GNA14: variants seen among roughly 807,000 people sequenced by gnomAD.
The protein encoded by GNA14 is guanine nucleotide-binding protein subunit alpha-14.
Under a neutral mutation model 42.0 loss-of-function variants are expected in GNA14, and 50 were observed. The ratio of observed to expected loss-of-function variants is 1.19; its 90% CI spans 0.95 to 1.51. The LOEUF (loss-of-function observed/expected upper bound fraction) is 1.51, where lower values mean the gene tolerates loss of function less well. GNA14 is among the 40% of genes most tolerant of loss of function. The probability of loss-of-function intolerance (pLI) is 0.00; values close to 1 mark genes in which losing one functional copy is unlikely to be tolerated. For missense variants in GNA14, 473 were observed against 446.2 expected (o/e 1.06, Z -0.54); for synonymous variants, 173 against 163.1 (o/e 1.06, Z -0.46).
intron 2 of GNA14, among the ~76,000 whole-genome samples, chr9:77,500,206 CG>C (rs371800141): frequency 8.6e-5 from 13 of 151,880 alleles, no homozygotes; most frequent in Middle Eastern, 6.8e-3. Context: ...TCAGTAGAGA[CG>C]GGGTTTGACC....
intron 2 of GNA14, among the ~76,000 whole-genome samples, chr9:77,457,366 A>G (rs1018010872): frequency 1.3e-5 from 2 of 152,246 alleles, no homozygotes; most frequent in African/African-American, 4.8e-5. Context: ...GAATTTTATT[A>G]GTAGTTCTTT....
intron 2 of GNA14, among the ~76,000 whole-genome samples, chr9:77,449,736 G>C (rs1305597313): frequency 6.6e-6 from 1 of 152,230 alleles, no homozygotes; most frequent in Non-Finnish European, 1.5e-5. Flanking sequence ...CCAATGCAAA[G>C]GGAAGGGAAT....
At chr9:77,451,894 A>G (rs953690322) in intron 2 of GNA14, among the ~76,000 whole-genome samples, 1 of 152,156 alleles carries the variant, frequency 6.6e-6, no homozygotes, top group Non-Finnish European at 1.5e-5. Flanking sequence ...AAAAATCCCA[A>G]CCGAGCAACC....
At chr9:77,452,126 C>T (rs993502599) in intron 2 of GNA14, among the ~76,000 whole-genome samples, 16 of 152,102 alleles carry the variant, frequency 1.1e-4, no homozygotes, top group Admixed American at 7.9e-4. Flanking sequence ...ATCCAGAACC[C>T]CGTAGAAATA....
At chr9:77,618,485 G>A (rs1378803430) in intron 1 of GNA14, among the ~76,000 whole-genome samples, 2 of 149,572 alleles carry the variant, frequency 1.3e-5, no homozygotes, top group Admixed American at 1.3e-4. Flanking sequence ...GTAGTTACGT[G>A]GAGCCATTGT....
At chr9:77,589,888 T>G (rs1241833767) in intron 1 of GNA14, among the ~76,000 whole-genome samples, 1 of 152,150 alleles carries the variant, frequency 6.6e-6, no homozygotes, top group African/African-American at 2.4e-5. Context: ...TCTTCTCCCC[T>G]AAAAGGATAA....
At position 77,642,373 on chromosome 9, in the gene GNA14, C is replaced by A. The variant is rs1824280900; in HGVS notation, c.124+5297G>T. ...GATGAACAGAAGCCACAGACAAAAC[C>A]ACACAATCCTCCTTTCTGAAGCATA... On this transcript the variant is annotated intron_variant, in intron 1 of 6. Coordinates refer to ENST00000341700, the MANE Select transcript of GNA14 (RefSeq NM_004297.4). Among the ~76,000 whole-genome samples, 4 of 152,260 alleles carry A rather than the reference C, an allele frequency of 2.6e-5. No individual in the cohort carries two copies. The South Asian group carries it at 8.3e-4, about 32-fold the overall frequency.
Position 77,436,512 on chromosome 9 carries a change from T to C in GNA14, c.310-1990A>G, listed in dbSNP as rs143079700. 3.0e-3 allele frequency among the ~76,000 whole-genome samples: 451 copies of C among 152,318 alleles called. 3 individuals are homozygous for C. Among genetic ancestry groups the C allele is most frequent in the African/African-American group, 1.0e-2 (415 of 41,568 alleles). ...CTGACTTCTAATCCCACCACTGGCA[T>C]GCTGCATGTCACGGACCCTATTCTT... On this transcript the variant is annotated intron_variant, in intron 2 of 6. Coordinates refer to ENST00000341700, the MANE Select transcript of GNA14 (RefSeq NM_004297.4).
intron 1 of GNA14, among the ~76,000 whole-genome samples, chr9:77,625,307 A>C (rs1247129943): frequency 5.9e-5 from 9 of 152,194 alleles, no homozygotes; most frequent in Non-Finnish European, 1.2e-4. Context: ...GAATGGAACC[A>C]AATTGGAAAA....
chr9:77,430,046 A>G (rs1465251928), intron 4 of GNA14, among the ~76,000 whole-genome samples: 3 of 152,158 alleles, frequency 2.0e-5, no homozygotes, highest in Admixed American at 6.6e-5. Context: ...GAAAAATTCA[A>G]TACTGTTCTT....
intron 2 of GNA14, among the ~76,000 whole-genome samples, chr9:77,493,014 A>AG (rs1452855966): frequency 2.1e-5 from 2 of 93,988 alleles, no homozygotes; most frequent in Non-Finnish European, 4.4e-5. Context: ...AAAAAAAAAA[A>AG]AAAAAAAAAA....
chr9:77,544,539 C>T (rs994112653), intron 1 of GNA14, among the ~76,000 whole-genome samples: 5 of 151,880 alleles, frequency 3.3e-5, no homozygotes, highest in African/African-American at 1.2e-4. Context: ...CCTGTATCTA[C>T]TAAAAATACA....
rs371743692 is a variant in GNA14, at chr9:77,435,344, G to A, written c.310-822C>T. On this transcript the variant is annotated intron_variant, in intron 2 of 6. Coordinates refer to ENST00000341700, the MANE Select transcript of GNA14 (RefSeq NM_004297.4). ...GGCACTCCAGCCTGGGTGACAGAGCGAGACTCTGTCTCCAAAAAAAAAAAT... is the reference window on the plus strand; with the variant it reads ...GGCACTCCAGCCTGGGTGACAGAGCAAGACTCTGTCTCCAAAAAAAAAAAT... Among the ~76,000 whole-genome samples the A allele has an allele frequency of 7.9e-5, 12 of 151,994 alleles. No individual in the cohort carries two copies. In the South Asian group the frequency reaches 1.0e-3, roughly 13 times the overall value.
chr9:77,611,076 C>G (rs1172934925), intron 1 of GNA14, among the ~76,000 whole-genome samples: 1 of 152,138 alleles, frequency 6.6e-6, no homozygotes, highest in Non-Finnish European at 1.5e-5. Flanking sequence ...GAGCTTCATT[C>G]TAGTTACATT....
Position 77,607,762 on chromosome 9 carries a change from G to C in GNA14, c.124+39908C>G, listed in dbSNP as rs146427147. ...ACAATTTAGTTCCTGGTTAGGGCCT[G>C]ATTCCTGGCTTGCAGGCACTGGCCT... is the stretch of plus-strand genomic sequence containing the variant. On this transcript the variant is annotated intron_variant, in intron 1 of 6. Coordinates refer to ENST00000341700, the MANE Select transcript of GNA14 (RefSeq NM_004297.4). Among the ~76,000 whole-genome samples the C allele has an allele frequency of 6.5e-3, 987 of 152,256 alleles. 10 individuals carry two copies. The highest frequency in any genetic ancestry group is 0.022 in the African/African-American group (934 of 41,566).
intron 1 of GNA14, among the ~76,000 whole-genome samples, chr9:77,604,994 T>C (rs1484200911): frequency 6.6e-6 from 1 of 152,228 alleles, no homozygotes; most frequent in African/African-American, 2.4e-5. Context: ...GCTTCACCTT[T>C]CAAACACTGA....
At chr9:77,623,234 A>G (rs1343344054) in intron 1 of GNA14, among the ~76,000 whole-genome samples, 4 of 123,108 alleles carry the variant, frequency 3.2e-5, no homozygotes, top group African/African-American at 1.4e-4. Context: ...AAAAAAAAAA[A>G]AAAAAAAAAA....
intron 1 of GNA14, among the ~76,000 whole-genome samples, chr9:77,544,440 C>A (rs1015035499): frequency 6.6e-6 from 1 of 152,104 alleles, no homozygotes. Flanking sequence ...TGGTGTCTCA[C>A]GCCTGTAATC....
chr9:77,621,192 C>T (rs1487460209), intron 1 of GNA14, among the ~76,000 whole-genome samples: 1 of 152,124 alleles, frequency 6.6e-6, no homozygotes, highest in Non-Finnish European at 1.5e-5. Context: ...CCTCAGCCTC[C>T]CAACGTGCTG....
Sources: gnomAD v4.1 joint callset for allele counts (sites outside exome capture counted in the v4.1 genomes callset) on GRCh38, gnomAD v4.1.1 for gene constraint, MANE v1.5 for transcripts, NCBI Gene and HGNC (gene_info 2026-07-23, HGNC 2026-07-21) for gene names.